The following CHST8 variants were observed in gnomAD, a reference collection of about 807,000 sequenced individuals.
The protein encoded by CHST8 is GALNAC-4-ST1.
In CHST8, 10 loss-of-function variants were observed where a neutral mutation model predicts 15.0. The ratio of observed to expected loss-of-function variants is 0.67; its 90% CI spans 0.41 to 1.13. CHST8 has a LOEUF of 1.13. CHST8 is among the 50% of genes most tolerant of loss of function. CHST8 has a pLI of 0.00. For synonymous variants in CHST8, 259 were observed against 256.6 expected (o/e 1.01, Z -0.09); for missense variants, 634 against 608.2 (o/e 1.04, Z -0.45).
rs1975008879 is a variant in CHST8, at chr19:33,772,329, G to A, written c.541G>A (p.Val181Met). The A allele has an allele frequency of 2.5e-6, 4 of 1,605,710 alleles. No individual in the cohort carries two copies. The highest frequency in any genetic ancestry group is 1.3e-5 in the African/African-American group (1 of 74,908). ...CCGCCGGGCCGTCACGCCCCGCCAC[G>A]TGTCCCGTATCTTCGTGGAGGACCG... is the stretch of plus-strand genomic sequence containing the variant. ...SSRRAVTPRH[V>M]SRIFVEDRHR... The change falls in exon 5 of 5, where the codon GTG (valine) becomes ATG (methionine). Residue 181 changes from valine (V) to methionine (M), a missense_variant. By Grantham distance (21) the Val-to-Met change is conservative. Coordinates refer to ENST00000650847, the MANE Select transcript of CHST8 (RefSeq NM_001127895.2).
At chr19:33,727,097 C>T (rs1156627727) in intron 3 of CHST8, among the ~76,000 whole-genome samples, 1 of 151,920 alleles carries the variant, frequency 6.6e-6, no homozygotes, top group African/African-American at 2.4e-5. Flanking sequence ...CACAGTCGCC[C>T]GGGAGCCACT....
intron 1 of CHST8, among the ~76,000 whole-genome samples, chr19:33,632,695 T>C (rs979202526): frequency 6.6e-6 from 1 of 151,962 alleles, no homozygotes; most frequent in African/African-American, 2.4e-5. Flanking sequence ...GTCATTCCCC[T>C]CCACCACAGA....
intron 3 of CHST8, among the ~76,000 whole-genome samples, chr19:33,737,561 A>G (rs1228402962): frequency 2.6e-5 from 4 of 152,234 alleles, no homozygotes; most frequent in Non-Finnish European, 4.4e-5. Context: ...AATTCCCAGA[A>G]GGGAATTGTC....
At chr19:33,623,289 C>T (rs1972010008) in intron 1 of CHST8, among the ~76,000 whole-genome samples, 3 of 152,350 alleles carry the variant, frequency 2.0e-5, no homozygotes, top group Middle Eastern at 3.4e-3. Context: ...GGCTCTCTGT[C>T]CTGCAGTCGT....
chr19:33,657,297 C>A (rs1277206070), intron 1 of CHST8, among the ~76,000 whole-genome samples: 1 of 146,516 alleles, frequency 6.8e-6, no homozygotes, highest in Non-Finnish European at 1.5e-5. Context: ...GAGATGGACT[C>A]TTGCTCTGTT....
At chr19:33,663,454 A>G in intron 1 of CHST8, among the ~76,000 whole-genome samples, 1 of 152,044 alleles carries the variant, frequency 6.6e-6, no homozygotes, top group Non-Finnish European at 1.5e-5. Context: ...GGTCCCAGCT[A>G]CTCAGTGGGC....
chr19:33,710,780 C>G (rs774853691), intron 3 of CHST8, among the ~76,000 whole-genome samples: 5 of 152,142 alleles, frequency 3.3e-5, no homozygotes, highest in Non-Finnish European at 7.3e-5. Context: ...GAAAGCAGCC[C>G]CAGGCTACAA....
rs34236738 is a variant in CHST8, at chr19:33,661,867, CAAAAAAA to C, written c.-163-5886_-163-5880del. On this transcript the variant is annotated intron_variant, in intron 1 of 4. Coordinates refer to ENST00000650847, the MANE Select transcript of CHST8 (RefSeq NM_001127895.2). ...GCAACACAGGGAGATTTCATCTTTA[CAAAAAAA>C]AAAAAAAAAAAAATAGGCGGGTATG... Among the ~76,000 whole-genome samples the C allele has an allele frequency of 7.5e-3, 575 of 76,708 alleles. 3 individuals are homozygous for C. Among genetic ancestry groups the C allele is most frequent in the African/African-American group, 0.018 (418 of 23,054 alleles). The allele number at this position is 76,708 out of a possible 152,430, so 50.3% of individuals were successfully genotyped here.
At chr19:33,745,835 GGAGA>G (rs1487387371) in intron 3 of CHST8, among the ~76,000 whole-genome samples, 1 of 151,888 alleles carries the variant, frequency 6.6e-6, no homozygotes, top group Non-Finnish European at 1.5e-5. Flanking sequence ...ACCACTCTCT[GGAGA>G]GAGACCCAGC....
chr19:33,737,617 T>C (rs1272584335), intron 3 of CHST8, among the ~76,000 whole-genome samples: 1 of 152,188 alleles, frequency 6.6e-6, no homozygotes, highest in Non-Finnish European at 1.5e-5. Flanking sequence ...GGCATCTGTT[T>C]GCGGAACTGT....
rs867143481 is a variant in CHST8 at position 33,722,363 on chromosome 19, A to G, written c.130+32972A>G. Among the ~76,000 whole-genome samples, 66 of 152,248 alleles carry G rather than the reference A, an allele frequency of 4.3e-4. 1 individual carries two copies. The highest frequency in any genetic ancestry group is 3.4e-3 in the Middle Eastern group (1 of 294). On this transcript the variant is annotated intron_variant, in intron 3 of 4. Coordinates refer to ENST00000650847, the MANE Select transcript of CHST8 (RefSeq NM_001127895.2). ...GATGGGTGGACAGACTGATGGATGG[A>G]CGGACGGACAGACGGATGGGTAGGT...
chr19:33,765,513 TTGTGTGTGTGTG>T lies in CHST8; in HGVS notation c.131-5870_131-5859del, dbSNP rs61673440. ...ACAGGGTTTAGACAAATGCCAGTCT[TTGTGTGTGTGTG>T]TGTGTGTGTGTGTGTGTGTGTGTGT... On this transcript the variant is annotated intron_variant, in intron 3 of 4. Coordinates refer to ENST00000650847, the MANE Select transcript of CHST8 (RefSeq NM_001127895.2). 3.0e-4 allele frequency among the ~76,000 whole-genome samples: 39 copies of T among 131,724 alleles called. 1 individual carries two copies. Among genetic ancestry groups the T allele is most frequent in the East Asian group, 1.4e-3 (6 of 4,318 alleles). 86.4% of individuals were successfully genotyped at this position (131,724 alleles called of 152,430 possible).
In CHST8 at chr19:33,756,609, A is replaced by G. The variant is rs115024863; in HGVS notation, c.131-14804A>G. Among the ~76,000 whole-genome samples the G allele has an allele frequency of 5.4e-3, 817 of 152,136 alleles. 4 individuals carry two copies. The highest frequency in any genetic ancestry group is 0.017 in the African/African-American group (721 of 41,504). ...CTCACCCTCACCCCTCATACCCCTG[A>G]CTCACCAAACCCTCTAGCCCTCTGG... On this transcript the variant is annotated intron_variant, in intron 3 of 4. Transcript: ENST00000650847.
intron 3 of CHST8, among the ~76,000 whole-genome samples, chr19:33,765,543 G>A (rs1974818150): frequency 3.1e-5 from 4 of 128,418 alleles, no homozygotes; most frequent in African/African-American, 1.2e-4. Context: ...GTGTGTGTGT[G>A]TGTGTGTGTG....
chr19:33,770,405 C>T lies in CHST8; in HGVS notation c.131-1008C>T, dbSNP rs368931201. Among the ~76,000 whole-genome samples, 35 of 152,300 alleles carry T rather than the reference C, an allele frequency of 2.3e-4. 1 individual carries two copies. Among genetic ancestry groups the T allele is most frequent in the African/African-American group, 8.2e-4 (34 of 41,554 alleles). ...TGGCAGAGCCTCAGGACGAAAATGT[C>T]CACCCACATGGTACTGGAGCAGAAA... On this transcript the variant is annotated intron_variant, in intron 3 of 4. Transcript: ENST00000650847.
intron 3 of CHST8, among the ~76,000 whole-genome samples, chr19:33,757,372 G>A (rs930080537): frequency 3.0e-4 from 39 of 130,262 alleles, no homozygotes; most frequent in African/African-American, 1.1e-3. Context: ...AGAGTGAGAC[G>A]CGGTCTCAAA....
chr19:33,681,870 CTT>C (rs113510674), intron 2 of CHST8, among the ~76,000 whole-genome samples: 59 of 139,198 alleles, frequency 4.2e-4, no homozygotes, highest in Non-Finnish European at 3.8e-4. Flanking sequence ...TTGGGTTTTG[CTT>C]TTTTTTTTTT....
At position 33,622,182 on chromosome 19, in the gene CHST8, C is replaced by G. The variant is rs1011337022; in HGVS notation, c.-278C>G. The G allele has an allele frequency of 9.2e-5, 14 of 151,742 alleles. No homozygotes were observed. Among genetic ancestry groups the G allele is most frequent in the African/African-American group, 3.1e-4 (13 of 41,312 alleles). 9.4% of individuals were successfully genotyped at this position (151,742 alleles called of 1,614,324 possible). On this transcript the variant is annotated 5_prime_UTR_variant, in exon 1 of 5. Coordinates refer to ENST00000650847, the MANE Select transcript of CHST8 (RefSeq NM_001127895.2). ...TTGGAGCGGGCGGAGGCACCGGGCC[C>G]GAGCTGGGTCGGAGGTCCTCTCCGC... is the stretch of plus-strand genomic sequence containing the variant.
At position 33,687,329 on chromosome 19, in the gene CHST8, A is replaced by C. The variant is rs183917688; in HGVS notation, c.-86-1847A>C. 3.2e-4 allele frequency among the ~76,000 whole-genome samples: 49 copies of C among 152,338 alleles called. No homozygotes were observed. The East Asian group carries it at 7.2e-3, about 22-fold the overall frequency. On this transcript the variant is annotated intron_variant, in intron 2 of 4. Coordinates refer to ENST00000650847, the MANE Select transcript of CHST8 (RefSeq NM_001127895.2). Reference sequence around the variant, plus strand: ...ATGGAGAGAGAGGCCCCAGCCCCGCACAAGGGGCTTTGAGTCTGAGCCCTT... The same window carrying C: ...ATGGAGAGAGAGGCCCCAGCCCCGCCCAAGGGGCTTTGAGTCTGAGCCCTT...
Sources: gnomAD v4.1 joint callset for allele counts (sites outside exome capture counted in the v4.1 genomes callset) on GRCh38, gnomAD v4.1.1 for gene constraint, MANE v1.5 for transcripts, NCBI Gene and HGNC (gene_info 2026-07-23, HGNC 2026-07-21) for gene names.